The following MCTP2 variants were observed in gnomAD, a reference collection of about 807,000 sequenced individuals.
MCTP2 encodes multiple C2 and transmembrane domain-containing protein 2.
A neutral mutation model predicts 111.6 loss-of-function variants in MCTP2; 132 were observed. The observed-to-expected ratio is 1.18, with a 90% CI of 1.03 to 1.37. The LOEUF (loss-of-function observed/expected upper bound fraction) is 1.37. MCTP2 is among the 40% of genes most tolerant of loss of function. The pLI is 0.00. For missense variants in MCTP2, 1,183 were observed against 1,067.9 expected, an observed-to-expected ratio of 1.11 and a Z score of -1.50; for synonymous variants, 395 against 387.7, an observed-to-expected ratio of 1.02 and a Z score of -0.22.
Position 94,455,567 on chromosome 15 carries a change from A to G in MCTP2, c.2251-2570A>G, listed in dbSNP as rs187660942. Among the ~76,000 whole-genome samples the G allele has an allele frequency of 7.9e-5, 12 of 152,244 alleles. No individual in the cohort carries two copies. In the East Asian group the frequency reaches 2.3e-3, roughly 29 times the overall value. On this transcript the variant is annotated intron_variant, in intron 19 of 22. Coordinates refer to ENST00000357742, the MANE Select transcript of MCTP2 (RefSeq NM_001385001.1). ...ATTATCCTGCCTCAGCTTGGACTGC[A>G]AGCACGCGCCACCATGCCCAGCTAA...
At chr15:94,446,740 CTG>C (rs1169846504) in intron 19 of MCTP2, among the ~76,000 whole-genome samples, 1 of 152,198 alleles carries the variant, frequency 6.6e-6, no homozygotes, top group African/African-American at 2.4e-5. Context: ...CAAAAAGAAA[CTG>C]TGCTCCAAGG....
At chr15:94,323,694 C>T (rs537963937) in intron 4 of MCTP2, among the ~76,000 whole-genome samples, 2 of 152,308 alleles carry the variant, frequency 1.3e-5, no homozygotes, top group East Asian at 3.9e-4. Flanking sequence ...ACGAGTCTTA[C>T]TCTGATGCTG....
chr15:94,287,666 C>T (rs1035760991), intron 1 of MCTP2, among the ~76,000 whole-genome samples: 6 of 152,170 alleles, frequency 3.9e-5, no homozygotes, highest in Non-Finnish European at 8.8e-5. Flanking sequence ...GTTGAAGTCT[C>T]AGAAAAGTAA....
chr15:94,383,066 G>A (rs936161892), intron 12 of MCTP2, among the ~76,000 whole-genome samples: 1 of 152,096 alleles, frequency 6.6e-6, no homozygotes, highest in Non-Finnish European at 1.5e-5. Flanking sequence ...TTTTTGTTAA[G>A]TTAAAAACTC....
intron 4 of MCTP2, among the ~76,000 whole-genome samples, chr15:94,337,774 A>G (rs2077439682): frequency 6.8e-6 from 1 of 147,406 alleles, no homozygotes; most frequent in Admixed American, 6.8e-5. Context: ...AAAATGTGAG[A>G]TTTGACTATG....
intron 17 of MCTP2, among the ~76,000 whole-genome samples, chr15:94,417,181 T>C (rs1437708886): frequency 6.6e-6 from 1 of 152,180 alleles, no homozygotes; most frequent in East Asian, 1.9e-4. Context: ...TGGTTTTACC[T>C]GAACATCTGC....
intron 2 of MCTP2, among the ~76,000 whole-genome samples, chr15:94,305,641 C>A (rs1825540194): frequency 6.6e-6 from 1 of 152,124 alleles, no homozygotes; most frequent in African/African-American, 2.4e-5. Context: ...TTTCTGCAAA[C>A]CTTGCTTATA....
At chr15:94,326,818 A>G (rs796440584) in intron 4 of MCTP2, among the ~76,000 whole-genome samples, 2 of 45,334 alleles carry the variant, frequency 4.4e-5, no homozygotes, top group Admixed American at 2.3e-4. Flanking sequence ...TCCCCGCCCC[A>G]CCCCCCCCCA....
intron 12 of MCTP2, among the ~76,000 whole-genome samples, chr15:94,371,467 T>A (rs1009573856): frequency 1.3e-5 from 2 of 152,234 alleles, no homozygotes; most frequent in African/African-American, 4.8e-5. Context: ...AAATTATTTT[T>A]AATTCCATGT....
At chr15:94,422,853 T>C (rs1267314159) in intron 17 of MCTP2, among the ~76,000 whole-genome samples, 1 of 152,166 alleles carries the variant, frequency 6.6e-6, no homozygotes, top group African/African-American at 2.4e-5. Flanking sequence ...CTATCAGTCA[T>C]CGTCTTTTTT....
chr15:94,251,357 C>A (rs547411734), intron 1 of MCTP2, among the ~76,000 whole-genome samples: 1,572 of 132,144 alleles, frequency 0.012, 22 homozygotes, highest in Middle Eastern at 0.02. Context: ...ACCTAATACG[C>A]ATTTTGTTTT....
intron 8 of MCTP2, among the ~76,000 whole-genome samples, chr15:94,350,497 G>T (rs905036814): frequency 3.9e-5 from 6 of 152,210 alleles, no homozygotes; most frequent in Non-Finnish European, 8.8e-5. Flanking sequence ...TTGAACCTGG[G>T]AGGCAGATGT....
chr15:94,455,010 CG>C (rs2084724530), intron 19 of MCTP2, among the ~76,000 whole-genome samples: 2 of 152,104 alleles, frequency 1.3e-5, no homozygotes, highest in Non-Finnish European at 2.9e-5. Context: ...TTAGTAGAGA[CG>C]GGGTTTTACC....
chr15:94,388,697 A>G (rs937626551), intron 14 of MCTP2, among the ~76,000 whole-genome samples: 3 of 152,126 alleles, frequency 2.0e-5, no homozygotes, highest in African/African-American at 4.8e-5. Flanking sequence ...TCTGTGCCTT[A>G]CACTTGGCAT....
intron 20 of MCTP2, among the ~76,000 whole-genome samples, chr15:94,464,261 A>ATATATATATAATATATATATATAT: frequency 2.3e-5 from 1 of 43,328 alleles, no homozygotes; most frequent in South Asian, 6.9e-4. Context: ...TATATATTAT[A>ATATATATATAATATATATATATAT]TATATATATA....
chr15:94,392,303 C>T (rs1005358209), intron 14 of MCTP2, among the ~76,000 whole-genome samples: 1 of 151,268 alleles, frequency 6.6e-6, no homozygotes, highest in East Asian at 2.0e-4. Context: ...ACCCGGGTGG[C>T]GGAGGTTGCA....
intron 9 of MCTP2, 118 bp downstream of exon 9, chr15:94,356,419 T>A: frequency 1.1e-6 from 1 of 912,388 alleles, no homozygotes; most frequent in African/African-American, 1.7e-5. Flanking sequence ...CCCGCCTAAC[T>A]ATATTAAAGA....
At chr15:94,287,452 C>T (rs2074814033) in intron 1 of MCTP2, among the ~76,000 whole-genome samples, 1 of 152,062 alleles carries the variant, frequency 6.6e-6, no homozygotes, top group Admixed American at 6.6e-5. Context: ...CCTTAAGGAT[C>T]CTTATTTTCT....
At chr15:94,275,660 T>C (rs2074150962) in intron 1 of MCTP2, among the ~76,000 whole-genome samples, 1 of 152,164 alleles carries the variant, frequency 6.6e-6, no homozygotes, top group East Asian at 1.9e-4. Flanking sequence ...TTGCCTGTTC[T>C]GGACCCTTTA....
Sources: gnomAD v4.1 joint callset for allele counts (sites outside exome capture counted in the v4.1 genomes callset) on GRCh38, gnomAD v4.1.1 for gene constraint, MANE v1.5 for transcripts, NCBI Gene and HGNC (gene_info 2026-07-23, HGNC 2026-07-21) for gene names.